PHF2: variants seen among roughly 807,000 people sequenced by gnomAD.
PHF2 encodes PHD finger protein 2.
A neutral mutation model predicts 120.5 loss-of-function variants in PHF2; 27 were observed. The ratio of observed to expected loss-of-function variants is 0.22; its 90% confidence interval spans 0.17 to 0.31. PHF2 has a LOEUF of 0.31. Among genes scored for constraint, PHF2 ranks in the 10% least tolerant of loss-of-function variants. The pLI is 1.00. For synonymous variants in PHF2, 568 were observed against 592.5 expected (o/e 0.96, Z 0.60); for missense variants, 1,024 against 1,434.8 (o/e 0.71, Z 4.63).
chr9:93,659,622 G>A (rs1451018077), intron 11 of PHF2, 22 bp downstream of exon 11: 1 of 1,604,312 alleles, frequency 6.2e-7, no homozygotes, highest in African/African-American at 1.3e-5. Context: ...TCCAGGTGCT[G>A]GGCTGGACCC....
chr9:93,578,854 G>T (rs916936436), intron 1 of PHF2, among the ~76,000 whole-genome samples: 3 of 152,218 alleles, frequency 2.0e-5, no homozygotes, highest in African/African-American at 7.2e-5. Flanking sequence ...TGAGGTCTCT[G>T]ATTGAATCCA....
At chr9:93,650,169 C>T (rs764004619) in intron 5 of PHF2, among the ~76,000 whole-genome samples, 22 of 151,840 alleles carry the variant, frequency 1.4e-4, no homozygotes, top group East Asian at 5.8e-4. Context: ...ACACACTCGC[C>T]AACACACCTG....
chr9:93,666,083 C>G (rs1400222624), intron 16 of PHF2, 23 bp downstream of exon 16: 8 of 1,607,470 alleles, frequency 5.0e-6, no homozygotes, highest in Middle Eastern at 1.7e-4. Context: ...ACAGGCCCCC[C>G]TCAGTCTCGG....
At chr9:93,593,757 A>G (rs915505873) in intron 1 of PHF2, among the ~76,000 whole-genome samples, 19 of 152,202 alleles carry the variant, frequency 1.2e-4, no homozygotes, top group Non-Finnish European at 1.2e-4. Context: ...CTTTAATGCT[A>G]TGGGGATATC....
At chr9:93,597,602 T>C (rs10761239) in intron 1 of PHF2, among the ~76,000 whole-genome samples, 60,687 of 151,908 alleles carry the variant, frequency 0.4, 13,259 homozygotes, top group Non-Finnish European at 0.5. Flanking sequence ...GCTTGGCTGC[T>C]CGGCTTGAGT....
At chr9:93,668,003 G>A (rs917374534) in intron 17 of PHF2, among the ~76,000 whole-genome samples, 1 of 152,222 alleles carries the variant, frequency 6.6e-6, no homozygotes. Flanking sequence ...CCCCAAGCTT[G>A]TTCAGTGGGC....
intron 2 of PHF2, 146 bp from the exon 3 acceptor site, chr9:93,636,265 G>A: frequency 1.6e-6 from 1 of 622,892 alleles, no homozygotes; most frequent in Admixed American, 2.7e-5. Context: ...CAGGGTGGGG[G>A]TGTCATCAGT....
At chr9:93,659,982 C>G (rs554341764) in intron 11 of PHF2, among the ~76,000 whole-genome samples, 1 of 152,252 alleles carries the variant, frequency 6.6e-6, no homozygotes, top group South Asian at 2.1e-4. Context: ...GAGCAAGTGA[C>G]TCATGGCATG....
chr9:93,624,803 T>TGATGGA (rs1375032063), intron 1 of PHF2, among the ~76,000 whole-genome samples: 1 of 151,122 alleles, frequency 6.6e-6, no homozygotes, highest in African/African-American at 2.4e-5. Flanking sequence ...GCAGTGCTGG[T>TGATGGA]GATGGTGATG....
chr9:93,656,261 G>A lies in PHF2; in HGVS notation c.1041-228G>A, dbSNP rs893854339. 2.0e-5 allele frequency among the ~76,000 whole-genome samples: 3 copies of A among 152,090 alleles called. No individual in the cohort carries two copies. Among genetic ancestry groups the A allele is most frequent in the African/African-American group, 4.8e-5 (2 of 41,410 alleles). ...TGCTGGATGGTTGTAGTTGCCCTTG[G>A]TGGGGTTGGGGTTGCTTAAAAGGCT... On this transcript the variant is annotated intron_variant, in intron 8 of 21. Coordinates refer to ENST00000359246, the MANE Select transcript of PHF2 (RefSeq NM_005392.4). This position sits in a 1 kb window ranked among gnomAD's most constrained non-coding sequence, Gnocchi z 4.1.
chr9:93,665,946 C>G, intron 15 of PHF2, 44 bp from the exon 16 acceptor site: 1 of 1,611,926 alleles, frequency 6.2e-7, no homozygotes, highest in East Asian at 2.2e-5. Flanking sequence ...GTGGCTGGCT[C>G]CCCGCAAGGC....
At chr9:93,592,791 G>A (rs1279018910) in intron 1 of PHF2, among the ~76,000 whole-genome samples, 1 of 152,120 alleles carries the variant, frequency 6.6e-6, no homozygotes, top group Non-Finnish European at 1.5e-5. Flanking sequence ...TGCAGACAGA[G>A]GGGGCCAAGC....
In PHF2 at chr9:93,678,932, C is replaced by T. The variant is rs1404056871; in HGVS notation, c.*1256C>T. 5.3e-6 allele frequency: 1 copy of T among 188,864 alleles called. No homozygotes were observed. The highest frequency in any genetic ancestry group is 1.8e-4 in the East Asian group (1 of 5,680). The allele number at this position is 188,864 out of a possible 1,614,324, so 11.7% of individuals were successfully genotyped here. A position where few individuals can be genotyped will look rare whatever the true frequency, so the allele number is the denominator to read the frequency against. The stretch of plus-strand genomic sequence containing the variant: ...GCCTGAAAAACAAGTGATGTCTGTG[C>T]AGCCTTACACTCTGTCTTTACAGAA... On this transcript the variant is annotated 3_prime_UTR_variant, in exon 22 of 22. Coordinates refer to ENST00000359246, the MANE Select transcript of PHF2 (RefSeq NM_005392.4).
chr9:93,653,898 C>T (rs112791771), intron 6 of PHF2, among the ~76,000 whole-genome samples: 6 of 152,312 alleles, frequency 3.9e-5, no homozygotes, highest in African/African-American at 7.2e-5. Flanking sequence ...GATCTGGGGG[C>T]GGGCAGGTGC....
chr9:93,653,084 G>C, intron 5 of PHF2, 95 bp from the exon 6 acceptor site: 2 of 1,143,698 alleles, frequency 1.7e-6, no homozygotes. Context: ...TGGTGAGAGA[G>C]CGTGGGACAT....
At chr9:93,631,470 T>C (rs995347435) in intron 2 of PHF2, among the ~76,000 whole-genome samples, 3 of 152,204 alleles carry the variant, frequency 2.0e-5, no homozygotes, top group Non-Finnish European at 4.4e-5. Context: ...TGGTCCCCAG[T>C]AGTTGGCTGC....
intron 17 of PHF2, chr9:93,672,341 G>T (rs1826815547): frequency 1.1e-6 from 1 of 950,676 alleles, no homozygotes; most frequent in African/African-American, 1.8e-5. Context: ...TGCAGATGTG[G>T]GTGTGGGAGT....
chr9:93,580,704 G>A (rs1227610402), intron 1 of PHF2, among the ~76,000 whole-genome samples: 1 of 152,174 alleles, frequency 6.6e-6, no homozygotes, highest in African/African-American at 2.4e-5. Flanking sequence ...GAAATTGAAA[G>A]CTGTTCAGGT....
intron 1 of PHF2, among the ~76,000 whole-genome samples, chr9:93,600,365 C>T (rs1205950019): frequency 6.6e-6 from 1 of 152,162 alleles, no homozygotes; most frequent in Non-Finnish European, 1.5e-5. Flanking sequence ...CACTCAGTGT[C>T]CAGAGCTGCG....
Sources: allele counts gnomAD v4.1 joint callset (sites outside exome capture counted in the v4.1 genomes callset), GRCh38; gene constraint gnomAD v4.1.1; non-coding constraint Gnocchi (gnomAD v3.1); transcripts MANE v1.5; gene names NCBI Gene and HGNC (gene_info 2026-07-23, HGNC 2026-07-21).